Variants in ST7 observed in about 807,000 individuals in gnomAD.
ST7 encodes the protein suppression of tumorigenicity 7.
In ST7, 28 loss-of-function variants were observed where a neutral mutation model predicts 78.7. The ratio of observed to expected loss-of-function variants is 0.36; its 90% CI spans 0.26 to 0.49. The LOEUF is 0.49. Among genes scored for constraint, ST7 ranks in the 20% least tolerant of loss-of-function variants. The probability of loss-of-function intolerance (pLI) is 0.99; values close to 1 mark genes in which losing one functional copy is unlikely to be tolerated. For synonymous variants in ST7, 247 were observed against 249.6 expected (o/e 0.99, Z 0.10); for missense variants, 418 against 696.0 (o/e 0.60, Z 4.49).
chr7:117,191,017 C>T, intron 12 of ST7, 81 bp downstream of exon 12: 3 of 1,110,374 alleles, frequency 2.7e-6, no homozygotes, highest in Non-Finnish European at 4.1e-6. Flanking sequence ...ATCTCAAGTA[C>T]ACCGCTTATA....
At chr7:116,959,054 C>T (rs1295482323) in intron 1 of ST7, 4 of 399,580 alleles carry the variant, frequency 1.0e-5, no homozygotes, top group Non-Finnish European at 2.0e-5. Flanking sequence ...GCATTTTACC[C>T]ACAGTAGGAC....
At chr7:116,972,646 C>T in intron 1 of ST7, 14 of 1,177,984 alleles carry the variant, frequency 1.2e-5, no homozygotes, top group Non-Finnish European at 1.6e-5. Context: ...CTTCATACCT[C>T]TCTCACTCTC....
At chr7:116,970,031 C>T (rs771651259) in intron 1 of ST7, among the ~76,000 whole-genome samples, 5 of 152,024 alleles carry the variant, frequency 3.3e-5, no homozygotes, top group African/African-American at 4.8e-5. Context: ...GCCGAGATCG[C>T]GCCATTGCAC....
chr7:117,070,680 A>G (rs1798889991), intron 1 of ST7, among the ~76,000 whole-genome samples: 1 of 151,850 alleles, frequency 6.6e-6, no homozygotes, highest in South Asian at 2.1e-4. Context: ...AGCTGGGACT[A>G]CAGGCGCCCG....
chr7:117,229,660 C>G lies in ST7; in HGVS notation c.1639-102C>G, dbSNP rs1397760909. 38 of 938,640 alleles carry G rather than the reference C, an allele frequency of 4.0e-5. No homozygotes were observed. The East Asian group carries it at 8.7e-4, about 21-fold the overall frequency. The allele number at this position is 938,640 out of a possible 1,614,324, so 58.1% of individuals were successfully genotyped here. A position where few individuals can be genotyped will look rare whatever the true frequency, so the allele number is the denominator to read the frequency against. ...TGAAATGGTTGCCTTTTGAGACTTTCGTAATGCAGAGACTTAAGCTGCAAG... is the reference window on the plus strand; with the variant it reads ...TGAAATGGTTGCCTTTTGAGACTTTGGTAATGCAGAGACTTAAGCTGCAAG... On this transcript the variant is annotated intron_variant, in intron 15 of 15. Transcript: ENST00000323984.
chr7:117,103,471 G>A (rs1008562082), intron 2 of ST7, among the ~76,000 whole-genome samples: 2 of 152,114 alleles, frequency 1.3e-5, no homozygotes, highest in Admixed American at 1.3e-4. Flanking sequence ...ACTCATTTTC[G>A]ACAAAGGCAC....
intron 8 of ST7, chr7:117,137,238 A>G (rs751872838): frequency 1.3e-5 from 2 of 152,140 alleles, no homozygotes; most frequent in Non-Finnish European, 1.5e-5. Context: ...TCTTTGCATT[A>G]TAGCCTGCAT....
At chr7:117,038,955 C>T (rs1797057690) in intron 1 of ST7, among the ~76,000 whole-genome samples, 1 of 152,068 alleles carries the variant, frequency 6.6e-6, no homozygotes, top group Non-Finnish European at 1.5e-5. Flanking sequence ...ATATTACTTA[C>T]AATCTGCCTT....
chr7:117,225,180 A>C (rs1028322439), intron 15 of ST7, among the ~76,000 whole-genome samples: 1 of 152,158 alleles, frequency 6.6e-6, no homozygotes, highest in Non-Finnish European at 1.5e-5. Context: ...GTGCTTCCAG[A>C]GTATCGGAGA....
intron 1 of ST7, among the ~76,000 whole-genome samples, chr7:117,017,538 G>C (rs1795671839): frequency 6.6e-6 from 1 of 152,148 alleles, no homozygotes; most frequent in Non-Finnish European, 1.5e-5. Flanking sequence ...TGTCTTTACT[G>C]TGAAGGAAGG....
intron 1 of ST7, among the ~76,000 whole-genome samples, chr7:116,969,423 T>C (rs574452282): frequency 6.6e-6 from 1 of 152,164 alleles, no homozygotes; most frequent in Non-Finnish European, 1.5e-5. Context: ...GGATTTTGAG[T>C]TTTTGGGAGG....
At chr7:117,197,965 G>A (rs1448819651) in intron 12 of ST7, among the ~76,000 whole-genome samples, 1 of 152,098 alleles carries the variant, frequency 6.6e-6, no homozygotes, top group Non-Finnish European at 1.5e-5. Context: ...ACTCTACTTG[G>A]GAGGCTGAGC....
intron 1 of ST7, among the ~76,000 whole-genome samples, chr7:117,000,941 G>A (rs1476460952): frequency 6.6e-6 from 1 of 152,188 alleles, no homozygotes; most frequent in Non-Finnish European, 1.5e-5. Flanking sequence ...CAGACATCTG[G>A]TAGACATTCT....
intron 1 of ST7, among the ~76,000 whole-genome samples, chr7:117,015,944 A>G (rs1795594258): frequency 6.6e-6 from 1 of 152,228 alleles, no homozygotes. Context: ...CTACTTACAC[A>G]GTATCTATAA....
intron 1 of ST7, among the ~76,000 whole-genome samples, chr7:117,032,023 A>G (rs1217949245): frequency 6.6e-6 from 1 of 151,588 alleles, no homozygotes; most frequent in African/African-American, 2.4e-5. Context: ...CTGGGATTAC[A>G]GGCAAATGCC....
At chr7:117,208,887 G>C (rs1792020026) in intron 12 of ST7, among the ~76,000 whole-genome samples, 1 of 139,344 alleles carries the variant, frequency 7.2e-6, no homozygotes, top group African/African-American at 2.7e-5. Flanking sequence ...TGGTGGTGGG[G>C]TGGGTGTATG....
intron 1 of ST7, chr7:117,020,767 C>G: frequency 7.7e-7 from 1 of 1,292,352 alleles, no homozygotes; most frequent in South Asian, 1.5e-5. Context: ...AGGAATTGGT[C>G]TCAGGGAAGG....
chr7:117,162,155 C>T (rs555841877), intron 9 of ST7, among the ~76,000 whole-genome samples: 1 of 152,164 alleles, frequency 6.6e-6, no homozygotes, highest in Admixed American at 6.5e-5. Flanking sequence ...TTAAGAATAA[C>T]AATCATTTGC....
chr7:117,127,604 A>G (rs1043730773), intron 3 of ST7, among the ~76,000 whole-genome samples: 1 of 151,936 alleles, frequency 6.6e-6, no homozygotes, highest in Non-Finnish European at 1.5e-5. Flanking sequence ...AGAACAGTTT[A>G]CATCTGTTAC....
Sources: allele counts gnomAD v4.1 joint callset (sites outside exome capture counted in the v4.1 genomes callset), GRCh38; gene constraint gnomAD v4.1.1; transcripts MANE v1.5; gene names NCBI Gene and HGNC (gene_info 2026-07-23, HGNC 2026-07-21).